ZNF385D: variants seen among roughly 807,000 people sequenced by gnomAD.
ZNF385D encodes the protein zinc finger protein 385D.
Under a neutral mutation model 35.8 loss-of-function variants are expected in ZNF385D, and 15 were observed. That is an observed-to-expected ratio of 0.42 (90% CI 0.28 to 0.64). The LOEUF (loss-of-function observed/expected upper bound fraction) is 0.64, where lower values mean the gene tolerates loss of function less well. Among genes scored for constraint, ZNF385D ranks in the 30% least tolerant of loss-of-function variants. ZNF385D has a pLI of 0.23. For synonymous variants in ZNF385D, 212 were observed against 186.8 expected (o/e 1.13, Z -1.10); for missense variants, 474 against 494.6 (o/e 0.96, Z 0.39).
intron 4 of ZNF385D, among the ~76,000 whole-genome samples, chr3:21,508,373 G>A (rs1212942611): frequency 1.3e-5 from 2 of 152,128 alleles, no homozygotes; most frequent in African/African-American, 4.8e-5. Context: ...TTATGCCAAG[G>A]GGTGGGGTGG....
intron 3 of ZNF385D, among the ~76,000 whole-genome samples, chr3:22,165,088 T>C (rs1706225592): frequency 6.6e-6 from 1 of 152,182 alleles, no homozygotes; most frequent in Admixed American, 6.5e-5. Context: ...TGGATACATG[T>C]CATTACACAT....
At chr3:21,427,238 T>A (rs1701062270) in intron 5 of ZNF385D, among the ~76,000 whole-genome samples, 1 of 152,154 alleles carries the variant, frequency 6.6e-6, no homozygotes, top group South Asian at 2.1e-4. Flanking sequence ...AATATGTAAA[T>A]GATTATGAAA....
In ZNF385D at chr3:22,359,144, T is replaced by C. The variant is rs137942842; in HGVS notation, c.106+13306A>G. On this transcript the variant is annotated intron_variant, in intron 2 of 5. Coordinates refer to the ZNF385D transcript ENST00000494108. Reference sequence around the variant, plus strand: ...CTACGGTTGATTATTTTAACTTAATTACTGGGAACAAAATGAAAATCCAAT... The same window carrying C: ...CTACGGTTGATTATTTTAACTTAATCACTGGGAACAAAATGAAAATCCAAT... Among the ~76,000 whole-genome samples the C allele has an allele frequency of 1.8e-3, 271 of 151,676 alleles. 3 individuals are homozygous for C. The highest frequency in any genetic ancestry group is 6.3e-3 in the African/African-American group (261 of 41,428).
chr3:22,078,797 G>C (rs1160770761), intron 3 of ZNF385D, among the ~76,000 whole-genome samples: 1 of 151,898 alleles, frequency 6.6e-6, no homozygotes, highest in Non-Finnish European at 1.5e-5. Flanking sequence ...TTTAATATAG[G>C]ATATGGTTTC....
rs141516144 is a variant in ZNF385D, at chr3:21,859,156, G to A, written c.326-194128C>T. On this transcript the variant is annotated intron_variant, in intron 3 of 5. Transcript: ENST00000494108. ...AATTTGTCATTTCTGTAAATAGTAAGGAAACACAGGTAAGAGATGAAAACC... is the reference window on the plus strand; with the variant it reads ...AATTTGTCATTTCTGTAAATAGTAAAGAAACACAGGTAAGAGATGAAAACC... Among the ~76,000 whole-genome samples, 15 of 152,132 alleles carry A rather than the reference G, an allele frequency of 9.9e-5. No individual in the cohort carries two copies. In the East Asian group the frequency reaches 2.7e-3, roughly 28 times the overall value.
At chr3:21,787,801 A>G (rs867853010) in intron 3 of ZNF385D, among the ~76,000 whole-genome samples, 1 of 152,100 alleles carries the variant, frequency 6.6e-6, no homozygotes, top group Non-Finnish European at 1.5e-5. Flanking sequence ...GGGGAAGAAG[A>G]GCGTACTTTT....
At chr3:21,799,855 T>G (rs1201147758) in intron 3 of ZNF385D, among the ~76,000 whole-genome samples, 1 of 152,194 alleles carries the variant, frequency 6.6e-6, no homozygotes, top group Non-Finnish European at 1.5e-5. Context: ...TTTTCCTCTA[T>G]GTTTTCTTCT....
At chr3:21,825,115 A>C (rs896723575) in intron 3 of ZNF385D, among the ~76,000 whole-genome samples, 1 of 152,214 alleles carries the variant, frequency 6.6e-6, no homozygotes, top group Admixed American at 6.5e-5. Context: ...AATTATTTCT[A>C]ATGTTAAATA....
Position 22,284,629 on chromosome 3 carries a change from T to C in ZNF385D, c.106+87821A>G, listed in dbSNP as rs76340379. On this transcript the variant is annotated intron_variant, in intron 2 of 5. Transcript: ENST00000494108. ...CTGATCTTAATTTCAAAAGTACAGC[T>C]GTAACTGAAAGGCCTATTCACTGCA... 8.8e-3 allele frequency among the ~76,000 whole-genome samples: 1,338 copies of C among 152,012 alleles called. 8 individuals are homozygous for C. Among genetic ancestry groups the C allele is most frequent in the Non-Finnish European group, 0.013 (908 of 67,952 alleles).
chr3:21,464,740 T>C (rs1325898189), intron 4 of ZNF385D, among the ~76,000 whole-genome samples: 1 of 47,098 alleles, frequency 2.1e-5, no homozygotes, highest in South Asian at 6.0e-4. Flanking sequence ...AAAAATAAAT[T>C]AAAACACACA....
chr3:22,319,531 G>C (rs564533707), intron 2 of ZNF385D, among the ~76,000 whole-genome samples: 3 of 152,230 alleles, frequency 2.0e-5, no homozygotes, highest in African/African-American at 4.8e-5. Context: ...TAGAAATGCT[G>C]TTGTTCAAAT....
At chr3:21,570,288 T>TTTTC (rs1416447021) in intron 2 of ZNF385D, among the ~76,000 whole-genome samples, 1 of 152,150 alleles carries the variant, frequency 6.6e-6, no homozygotes, top group Non-Finnish European at 1.5e-5. Context: ...AAGGCCTAGG[T>TTTTC]TTTCCCTCAC....
intron 5 of ZNF385D, among the ~76,000 whole-genome samples, chr3:21,434,561 AGAAATCCTAGACAT>A (rs1471140150): frequency 6.6e-6 from 1 of 152,180 alleles, no homozygotes; most frequent in African/African-American, 2.4e-5. Flanking sequence ...CACATCTGGA[AGAAATCCTAGACAT>A]GGTGAGCCTT....
chr3:21,684,342 A>G (rs2067011170), intron 1 of ZNF385D, among the ~76,000 whole-genome samples: 1 of 130,528 alleles, frequency 7.7e-6, no homozygotes, highest in African/African-American at 3.0e-5. Context: ...ACCACACTAA[A>G]GCCATAAATG....
intron 3 of ZNF385D, among the ~76,000 whole-genome samples, chr3:22,058,434 G>C (rs1210932344): frequency 1.3e-5 from 2 of 152,124 alleles, no homozygotes; most frequent in Admixed American, 6.5e-5. Flanking sequence ...GCTCATTCCA[G>C]CTCTCCCCAT....
At chr3:22,293,681 G>C (rs899364840) in intron 2 of ZNF385D, among the ~76,000 whole-genome samples, 1 of 152,086 alleles carries the variant, frequency 6.6e-6, no homozygotes, top group African/African-American at 2.4e-5. Context: ...ATGACTCCCA[G>C]CTCTTACTTC....
intron 3 of ZNF385D, among the ~76,000 whole-genome samples, chr3:21,999,466 A>G (rs1374922007): frequency 6.6e-6 from 1 of 152,180 alleles, no homozygotes; most frequent in Admixed American, 6.5e-5. Context: ...AGAGAAAAAA[A>G]TCAGCCAACA....
intron 3 of ZNF385D, among the ~76,000 whole-genome samples, chr3:22,092,514 C>T (rs1016808474): frequency 6.6e-6 from 1 of 152,122 alleles, no homozygotes; most frequent in Non-Finnish European, 1.5e-5. Flanking sequence ...TACTTTGCAG[C>T]CTCAGCAAAC....
intron 3 of ZNF385D, among the ~76,000 whole-genome samples, chr3:22,123,885 C>G (rs1024668449): frequency 2.8e-5 from 4 of 143,404 alleles, no homozygotes; most frequent in African/African-American, 1.1e-4. Flanking sequence ...CCAAACCAAA[C>G]CAAACAAAAA....
Sources: allele counts gnomAD v4.1 joint callset (sites outside exome capture counted in the v4.1 genomes callset), GRCh38; gene constraint gnomAD v4.1.1; transcripts MANE v1.5; gene names NCBI Gene and HGNC (gene_info 2026-07-23, HGNC 2026-07-21).